PELI2: variants seen among roughly 807,000 people sequenced by gnomAD.
PELI2 encodes pellino E3 ubiquitin protein ligase family member 2, also known as E3 ubiquitin-protein ligase pellino homolog 2.
In PELI2, 23 loss-of-function variants were observed where a neutral mutation model predicts 42.3. The observed-to-expected ratio is 0.54, with a 90% CI of 0.39 to 0.77. The LOEUF is 0.77. Among genes scored for constraint, PELI2 ranks in the 30% least tolerant of loss-of-function variants. The probability of loss-of-function intolerance (pLI) is 0.00; values close to 1 mark genes in which losing one functional copy is unlikely to be tolerated. For missense variants in PELI2, 463 were observed against 553.2 expected, an observed-to-expected ratio of 0.84 and a Z score of 1.64; for synonymous variants, 245 against 212.2, an observed-to-expected ratio of 1.15 and a Z score of -1.34.
At chr14:56,162,644 A>C (rs1331847223) in intron 1 of PELI2, among the ~76,000 whole-genome samples, 1 of 152,186 alleles carries the variant, frequency 6.6e-6, no homozygotes, top group African/African-American at 2.4e-5. Flanking sequence ...GAGATTGCTG[A>C]GTCATATGGT....
chr14:56,149,671 C>G (rs965811604), intron 1 of PELI2, among the ~76,000 whole-genome samples: 1 of 151,836 alleles, frequency 6.6e-6, no homozygotes, highest in Non-Finnish European at 1.5e-5. Flanking sequence ...TAATTTTTAC[C>G]TGACCTTCAG....
At chr14:56,168,267 C>A (rs1347991489) in intron 1 of PELI2, among the ~76,000 whole-genome samples, 1 of 152,314 alleles carries the variant, frequency 6.6e-6, no homozygotes, top group East Asian at 1.9e-4. Context: ...CAGCGTGCCC[C>A]CCCCCAGACC....
chr14:56,260,197 A>G (rs1407865202), intron 2 of PELI2, among the ~76,000 whole-genome samples: 1 of 152,138 alleles, frequency 6.6e-6, no homozygotes, highest in Non-Finnish European at 1.5e-5. Flanking sequence ...ATCCCCAGAT[A>G]TATACATTTC....
intron 1 of PELI2, among the ~76,000 whole-genome samples, chr14:56,159,491 A>G (rs1412073036): frequency 6.6e-6 from 1 of 152,240 alleles, no homozygotes; most frequent in African/African-American, 2.4e-5. Flanking sequence ...ATTCAGGAAT[A>G]AGATATAATA....
intron 2 of PELI2, among the ~76,000 whole-genome samples, chr14:56,198,610 C>T (rs1313428384): frequency 6.6e-6 from 1 of 152,104 alleles, no homozygotes; most frequent in Non-Finnish European, 1.5e-5. Flanking sequence ...AGTGGCTGAG[C>T]CATAAGCAGG....
intron 2 of PELI2, among the ~76,000 whole-genome samples, chr14:56,277,919 T>C (rs1412578517): frequency 6.6e-6 from 1 of 152,202 alleles, no homozygotes; most frequent in Non-Finnish European, 1.5e-5. Context: ...AGAAACACCA[T>C]ACTTAAGCAG....
At chr14:56,257,133 C>G (rs1888553533) in intron 2 of PELI2, among the ~76,000 whole-genome samples, 1 of 152,150 alleles carries the variant, frequency 6.6e-6, no homozygotes, top group Middle Eastern at 3.4e-3. Context: ...ACCTTGATAA[C>G]AAATAAGTAT....
intron 2 of PELI2, among the ~76,000 whole-genome samples, chr14:56,259,798 G>C (rs572441120): frequency 5.1e-4 from 77 of 152,208 alleles, no homozygotes; most frequent in African/African-American, 1.8e-3. Context: ...TAGGGTACAA[G>C]ACCAATGTAC....
intron 2 of PELI2, among the ~76,000 whole-genome samples, chr14:56,254,577 G>A (rs575611089): frequency 2.8e-4 from 43 of 152,134 alleles, no homozygotes; most frequent in Non-Finnish European, 5.7e-4. Context: ...GGGCATAGGC[G>A]TGGGCAAAGA....
At chr14:56,119,135 T>C (rs978118514) in intron 1 of PELI2, 1 of 151,898 alleles carries the variant, frequency 6.6e-6, no homozygotes, top group Non-Finnish European at 1.5e-5. Flanking sequence ...TCGCGGGCGC[T>C]TCGCGGGGTC....
intron 1 of PELI2, among the ~76,000 whole-genome samples, 183 bp downstream of exon 1, chr14:56,118,920 C>T (rs1459827472): frequency 2.7e-5 from 4 of 150,274 alleles, no homozygotes; most frequent in African/African-American, 4.9e-5. Flanking sequence ...GGCGCGCGCT[C>T]GGGGTGCTGC....
intron 1 of PELI2, among the ~76,000 whole-genome samples, chr14:56,127,725 A>G (rs1163165439): frequency 1.3e-5 from 2 of 152,198 alleles, no homozygotes; most frequent in Non-Finnish European, 2.9e-5. Context: ...AAATGAAAAC[A>G]TTCCTCTAGT....
chr14:56,172,099 A>G (rs1885193618), intron 1 of PELI2, among the ~76,000 whole-genome samples: 1 of 152,190 alleles, frequency 6.6e-6, no homozygotes, highest in Non-Finnish European at 1.5e-5. Context: ...GGAATCTATT[A>G]CTGTGTAACC....
At chr14:56,151,722 T>G (rs1884367878) in intron 1 of PELI2, among the ~76,000 whole-genome samples, 1 of 152,210 alleles carries the variant, frequency 6.6e-6, no homozygotes, top group African/African-American at 2.4e-5. Context: ...CAGTATCAAG[T>G]AAGCATTTAG....
chr14:56,154,458 T>C (rs755767080), intron 1 of PELI2, among the ~76,000 whole-genome samples: 1 of 152,190 alleles, frequency 6.6e-6, no homozygotes, highest in African/African-American at 2.4e-5. Context: ...TCACGAGATC[T>C]GTTGGTTTTA....
At chr14:56,226,253 G>A (rs138676865) in intron 2 of PELI2, among the ~76,000 whole-genome samples, 182 of 152,240 alleles carry the variant, frequency 1.2e-3, no homozygotes, top group African/African-American at 4.2e-3. Context: ...CACATGCGTG[G>A]CTAACCCAGG....
intron 2 of PELI2, among the ~76,000 whole-genome samples, chr14:56,260,528 G>C (rs1888675939): frequency 6.6e-6 from 1 of 152,184 alleles, no homozygotes; most frequent in South Asian, 2.1e-4. Flanking sequence ...TGACGGGACA[G>C]TTCTATGTCT....
Position 56,176,230 on chromosome 14 carries a change from G to A in PELI2, c.78-2105G>A, listed in dbSNP as rs146469122. Among the ~76,000 whole-genome samples the A allele has an allele frequency of 7.9e-5, 12 of 152,310 alleles. No individual in the cohort carries two copies. In the East Asian group the frequency reaches 9.6e-4, roughly 12 times the overall value. Reference sequence around the variant, plus strand: ...GTTGTGATCAGATAGCCAAACAAGCGTCTGCTGCACTCTTACGAGGCTGAG... The same window carrying A: ...GTTGTGATCAGATAGCCAAACAAGCATCTGCTGCACTCTTACGAGGCTGAG... On this transcript the variant is annotated intron_variant, in intron 1 of 5. Coordinates refer to ENST00000267460, the MANE Select transcript of PELI2 (RefSeq NM_021255.3).
At chr14:56,201,534 C>T (rs1200847216) in intron 2 of PELI2, among the ~76,000 whole-genome samples, 1 of 152,136 alleles carries the variant, frequency 6.6e-6, no homozygotes, top group East Asian at 1.9e-4. Context: ...TTTTTAAGGG[C>T]CTACCACATA....
Sources: gnomAD v4.1 joint callset for allele counts (sites outside exome capture counted in the v4.1 genomes callset) on GRCh38, gnomAD v4.1.1 for gene constraint, MANE v1.5 for transcripts, NCBI Gene and HGNC (gene_info 2026-07-23, HGNC 2026-07-21) for gene names.